Variants in EMSY observed in about 807,000 individuals in gnomAD.
EMSY encodes EMSY transcriptional repressor, BRCA2 interacting.
A neutral mutation model predicts 134.6 loss-of-function variants in EMSY; 26 were observed. The observed-to-expected ratio is 0.19, with a 90% CI of 0.14 to 0.27. The LOEUF (loss-of-function observed/expected upper bound fraction) is 0.27, where lower values mean the gene tolerates loss of function less well. EMSY is among the 10% of genes least tolerant of loss of function. EMSY has a pLI of 1.00. For synonymous variants in EMSY, 579 were observed against 577.8 expected, an observed-to-expected ratio of 1.00 and a Z score of -0.03; for missense variants, 1,305 against 1,611.4, an observed-to-expected ratio of 0.81 and a Z score of 3.26.
intron 17 of EMSY, chr11:76,542,005 T>C: frequency 1.6e-6 from 1 of 623,916 alleles, no homozygotes; most frequent in Non-Finnish European, 2.8e-6. Flanking sequence ...ATTCCCATTT[T>C]GCAGATGAGG....
intron 8 of EMSY, among the ~76,000 whole-genome samples, chr11:76,478,863 G>A (rs1948866809): frequency 6.6e-6 from 1 of 151,168 alleles, no homozygotes; most frequent in African/African-American, 2.4e-5. Flanking sequence ...GGTATCCAGT[G>A]TGTTTCCAGG....
At chr11:76,504,912 C>T (rs1310368245) in intron 9 of EMSY, among the ~76,000 whole-genome samples, 5 of 152,088 alleles carry the variant, frequency 3.3e-5, no homozygotes, top group African/African-American at 9.7e-5. Context: ...CAGAAGACCA[C>T]GTATTATATG....
chr11:76,491,833 C>T (rs1949437870), intron 8 of EMSY, among the ~76,000 whole-genome samples: 1 of 152,242 alleles, frequency 6.6e-6, no homozygotes, highest in African/African-American at 2.4e-5. Flanking sequence ...TCATGCTAGA[C>T]TACTCTTCTG....
chr11:76,485,493 A>G (rs1320447749), intron 8 of EMSY, among the ~76,000 whole-genome samples: 2 of 152,172 alleles, frequency 1.3e-5, no homozygotes, highest in Non-Finnish European at 2.9e-5. Flanking sequence ...ACAAAATTCA[A>G]CACCCCTTCA....
intron 2 of EMSY, 134 bp from the exon 3 acceptor site, chr11:76,451,724 A>C: frequency 2.2e-6 from 1 of 449,090 alleles, no homozygotes; most frequent in South Asian, 8.3e-5. Context: ...TATTAGATAA[A>C]ATTTTTGAAA....
chr11:76,451,682 A>G (rs1419735024), intron 2 of EMSY, among the ~76,000 whole-genome samples, 176 bp from the exon 3 acceptor site: 2 of 152,222 alleles, frequency 1.3e-5, no homozygotes, highest in African/African-American at 2.4e-5. Context: ...TGAAAAACAA[A>G]ATATAAAATT....
intron 11 of EMSY, among the ~76,000 whole-genome samples, chr11:76,518,438 G>A (rs1234823400): frequency 6.6e-6 from 1 of 151,338 alleles, no homozygotes; most frequent in Non-Finnish European, 1.5e-5. Context: ...AAAGTGCTGG[G>A]ATTACAGGCA....
intron 7 of EMSY, among the ~76,000 whole-genome samples, chr11:76,465,307 A>G (rs934386952): frequency 2.6e-5 from 4 of 152,140 alleles, no homozygotes; most frequent in African/African-American, 9.7e-5. Context: ...GACTTCTTGG[A>G]TTCAGATCCC....
At chr11:76,534,426 T>C (rs746498206) in intron 14 of EMSY, among the ~76,000 whole-genome samples, 46 of 152,144 alleles carry the variant, frequency 3.0e-4, no homozygotes, top group Non-Finnish European at 6.0e-4. Context: ...TAATGGAAAA[T>C]TATATATCTT....
intron 19 of EMSY, 79 bp from the exon 21 acceptor site, chr11:76,545,718 G>A (rs773804055): frequency 8.2e-5 from 120 of 1,463,498 alleles, no homozygotes; most frequent in Non-Finnish European, 1.1e-4. Flanking sequence ...TGTTTCTTTT[G>A]CCATATTGTC....
At position 76,472,756 on chromosome 11, in the gene EMSY, A is replaced by T. The variant is rs769410924; in HGVS notation, c.1024A>T (p.Thr342Ser). The T allele has an allele frequency of 5.0e-6, 8 of 1,614,190 alleles. No homozygotes were observed. In the South Asian group the frequency reaches 8.8e-5, roughly 18 times the overall value. ...TAGCAGCAGTGGCAGCAGCAGTTCTACACCATCACCTATTCCTAATACAGT... is the reference window on the plus strand; with the variant it reads ...TAGCAGCAGTGGCAGCAGCAGTTCTTCACCATCACCTATTCCTAATACAGT... Residue 342 changes from threonine to serine, a missense_variant, in exon 8 of 21, where the codon ACA (threonine) becomes TCA (serine). Transcript: ENST00000334736.
chr11:76,547,004 A>C (rs769577116), intron 20 of EMSY: 29 of 441,510 alleles, frequency 6.6e-5, no homozygotes, highest in South Asian at 4.7e-4. Flanking sequence ...GATTCTAAAA[A>C]TCATCTCTTG....
At chr11:76,475,134 C>G (rs1948727095) in intron 8 of EMSY, among the ~76,000 whole-genome samples, 1 of 152,060 alleles carries the variant, frequency 6.6e-6, no homozygotes, top group South Asian at 2.1e-4. Context: ...CCGAATTCAC[C>G]ATTTTATAAT....
intron 14 of EMSY, among the ~76,000 whole-genome samples, chr11:76,530,156 T>G (rs1012639378): frequency 6.0e-5 from 3 of 49,596 alleles, no homozygotes; most frequent in African/African-American, 1.5e-4. Context: ...ATCTTTAGGG[T>G]TTTTTTTTTT....
chr11:76,475,269 T>C (rs1948731901), intron 8 of EMSY, among the ~76,000 whole-genome samples: 1 of 152,248 alleles, frequency 6.6e-6, no homozygotes, highest in Non-Finnish European at 1.5e-5. Context: ...AACAGTTTGC[T>C]GGTTTTACTG....
rs534320335 is a variant in EMSY at position 76,482,363 on chromosome 11, C to T, written c.1108+9523C>T. ...CTTCTCCTCCAAAGGATCATAACTCCTTGCCAGCAAGGGAACAAAACTGGA... is the reference window on the plus strand; with the variant it reads ...CTTCTCCTCCAAAGGATCATAACTCTTTGCCAGCAAGGGAACAAAACTGGA... On this transcript the variant is annotated intron_variant, in intron 8 of 20. Transcript: ENST00000334736. Among the ~76,000 whole-genome samples, 4 of 152,298 alleles carry T rather than the reference C, an allele frequency of 2.6e-5. No individual in the cohort carries two copies. The South Asian group carries it at 8.3e-4, about 32-fold the overall frequency.
intron 9 of EMSY, among the ~76,000 whole-genome samples, chr11:76,512,730 A>T (rs1385983703): frequency 1.3e-5 from 2 of 151,616 alleles, no homozygotes; most frequent in African/African-American, 4.8e-5. Flanking sequence ...TGTAAAAAAA[A>T]AAAAAACCAT....
intron 8 of EMSY, among the ~76,000 whole-genome samples, chr11:76,477,270 G>GTTTTTTTTTTTTTTTTTT (rs529328999): frequency 1.4e-5 from 2 of 139,152 alleles, no homozygotes; most frequent in Non-Finnish European, 1.6e-5. Flanking sequence ...ATTTATTTCT[G>GTTTTTTTTTTTTTTTTTT]TTTTTTTTTT....
chr11:76,446,307 ATATATG>A (rs1373886230), intron 1 of EMSY, among the ~76,000 whole-genome samples: 2 of 109,284 alleles, frequency 1.8e-5, no homozygotes, highest in Non-Finnish European at 3.9e-5. Context: ...GAGAGTATAT[ATATATG>A]TGTGTGTGTG....
Sources: gnomAD v4.1 joint callset for allele counts (sites outside exome capture counted in the v4.1 genomes callset) on GRCh38, gnomAD v4.1.1 for gene constraint, MANE v1.5 for transcripts, NCBI Gene and HGNC (gene_info 2026-07-23, HGNC 2026-07-21) for gene names.